CCDC33: variants seen among roughly 807,000 people sequenced by gnomAD.
CCDC33 encodes the protein coiled-coil domain containing 33.
In CCDC33, 94 loss-of-function variants were observed where a neutral mutation model predicts 91.9. The ratio of observed to expected loss-of-function variants is 1.02; its 90% confidence interval spans 0.87 to 1.21. The LOEUF (loss-of-function observed/expected upper bound fraction) is 1.21. Among genes scored for constraint, CCDC33 ranks in the 50% most tolerant of loss-of-function variants. The pLI, the probability that CCDC33 is intolerant of heterozygous loss-of-function variation, is 0.00. For synonymous variants in CCDC33, 396 were observed against 374.5 expected (o/e 1.06, Z -0.66); for missense variants, 940 against 935.5 (o/e 1.00, Z -0.06).
intron 1 of CCDC33, chr15:74,209,104 C>A: frequency 7.6e-7 from 1 of 1,311,640 alleles, no homozygotes; most frequent in Non-Finnish European, 9.7e-7. Context: ...AGACCTCCCG[C>A]CCTTGATTCC....
intron 10 of CCDC33, among the ~76,000 whole-genome samples, chr15:74,289,648 G>A (rs557422154): frequency 3.3e-5 from 5 of 152,324 alleles, no homozygotes; most frequent in East Asian, 1.9e-4. Flanking sequence ...CTGGGAGGTT[G>A]AGGCTGCAAT....
intron 11 of CCDC33, among the ~76,000 whole-genome samples, chr15:74,308,364 C>CACAT (rs1219524899): frequency 1.3e-5 from 2 of 151,660 alleles, no homozygotes; most frequent in Non-Finnish European, 2.9e-5. Context: ...GACAGACACA[C>CACAT]ACACACACAC....
intron 11 of CCDC33, among the ~76,000 whole-genome samples, chr15:74,313,415 C>CTTTTTTTTTT (rs35519774): frequency 1.5e-4 from 14 of 94,182 alleles, no homozygotes; most frequent in Admixed American, 2.6e-4. Context: ...TTCTTTCTTT[C>CTTTTTTTTTT]TTTTTTTTTT....
intron 11 of CCDC33, among the ~76,000 whole-genome samples, chr15:74,329,223 C>T (rs1404348474): frequency 6.6e-6 from 1 of 152,022 alleles, no homozygotes; most frequent in Non-Finnish European, 1.5e-5. Context: ...TTGGGGATTG[C>T]ACTGATCATT....
Position 74,331,281 on chromosome 15 carries a change from G to A in CCDC33, c.1756G>A (p.Gly586Arg). ...GCCCCCTCCTCTGAACAGGCAGCAG[G>A]GAAAGCCCTACACGGGTGGGTCCAC... ...SKPPPLNRQQGKPYTGFPMLS... is the reference protein window; with the variant it reads ...SKPPPLNRQQRKPYTGFPMLS... Residue 586 changes from glycine (G) to arginine (R), a missense_variant, in exon 15 of 19, where the codon GGA becomes AGA. Coordinates refer to ENST00000398814, the MANE Select transcript of CCDC33 (RefSeq NM_025055.5). 1 of 1,614,018 alleles carries A rather than the reference G, an allele frequency of 6.2e-7. No individual in the cohort carries two copies. Among genetic ancestry groups the A allele is most frequent in the South Asian group, 1.1e-5 (1 of 91,072 alleles).
At chr15:74,234,645 G>A (rs921962649), upstream of CCDC33, among the ~76,000 whole-genome samples, 1 of 152,190 alleles carries the variant, frequency 6.6e-6, no homozygotes, top group Non-Finnish European at 1.5e-5. Context: ...AGACGGCCTG[G>A]AACCAGTGCC....
intron 11 of CCDC33, chr15:74,300,739 G>C (rs376419508): frequency 5.2e-5 from 8 of 152,530 alleles, no homozygotes; most frequent in African/African-American, 1.9e-4. Flanking sequence ...GAGAAGAGGA[G>C]GTCTATGCCT....
chr15:74,236,645 C>T lies in CCDC33; in HGVS notation c.-75C>T. 9 of 1,446,106 alleles carry T rather than the reference C, an allele frequency of 6.2e-6. No individual in the cohort carries two copies. Among genetic ancestry groups the T allele is most frequent in the Non-Finnish European group, 7.7e-6 (8 of 1,032,758 alleles). The allele number at this position is 1,446,106 out of a possible 1,614,324, so 89.6% of individuals were successfully genotyped here. A position where few individuals can be genotyped will look rare whatever the true frequency, so the allele number is the denominator to read the frequency against. On this transcript the variant is annotated 5_prime_UTR_variant, in exon 1 of 19. Transcript: ENST00000398814. Reference sequence around the variant, plus strand: ...GCCAGCTGTCTGGGCAGGACTGATTCCTGATCACCCACTGATACCAAGTAC... The same window carrying T: ...GCCAGCTGTCTGGGCAGGACTGATTTCTGATCACCCACTGATACCAAGTAC...
intron 10 of CCDC33, among the ~76,000 whole-genome samples, chr15:74,286,437 T>A (rs2059476110): frequency 6.6e-6 from 1 of 151,968 alleles, no homozygotes; most frequent in African/African-American, 2.4e-5. Context: ...ATGAACTGGT[T>A]TCGAGATCCC....
chr15:74,215,325 A>T (rs796822016), upstream of CCDC33, among the ~76,000 whole-genome samples: 57 of 151,684 alleles, frequency 3.8e-4, no homozygotes, highest in African/African-American at 1.3e-3. Flanking sequence ...AGCACTGAGT[A>T]TTCAAATTCA....
intron 2 of CCDC33, among the ~76,000 whole-genome samples, chr15:74,211,134 C>G (rs1016933967): frequency 1.6e-5 from 2 of 127,434 alleles, no homozygotes; most frequent in Non-Finnish European, 3.3e-5. Context: ...GATTCCCCCC[C>G]ACCACTACGC....
At chr15:74,266,656 G>A in intron 3 of CCDC33, 22 bp from the exon 4 acceptor site, 12 of 1,531,182 alleles carry the variant, frequency 7.8e-6, no homozygotes, top group Non-Finnish European at 1.1e-5. Flanking sequence ...AATAAACCTG[G>A]GCTCATTTTT....
chr15:74,266,683 A>G lies in CCDC33; in HGVS notation c.325A>G (p.Ile109Val), dbSNP rs1344847580. Residue 109 changes from isoleucine (I) to valine (V), a missense_variant, in exon 4 of 19, where the codon ATC (isoleucine) becomes GTC (valine). By Grantham distance (29) the Ile-to-Val change is conservative. Transcript: ENST00000398814. ...CTCATTTTTTCTCTTTCCAGATGTG[A>G]TCCTCAAGGTGGTGGACAACAGAAA... ...QAEDAGQEDV[I>V]LKVVDNRKKQ... 3.7e-6 allele frequency: 6 copies of G among 1,612,692 alleles called. No homozygotes were observed. Among genetic ancestry groups the G allele is most frequent in the Non-Finnish European group, 5.1e-6 (6 of 1,178,702 alleles).
In CCDC33 at chr15:74,207,352, A is replaced by G. The variant is rs1300655077; in HGVS notation, n.90-2036A>G. 2.0e-5 allele frequency among the ~76,000 whole-genome samples: 3 copies of G among 152,266 alleles called. No homozygotes were observed. In the South Asian group the frequency reaches 6.2e-4, roughly 32 times the overall value. On this transcript the variant is annotated intron_variant and non_coding_transcript_variant, in intron 1 of 3. Coordinates refer to the CCDC33 transcript ENST00000558645. ...AACATTTCTGAGTTTCAGTAATGCC[A>G]TAAGAAGCCCTGCAACCTCAGTATT...
chr15:74,258,010 T>C (rs891966867), intron 2 of CCDC33, among the ~76,000 whole-genome samples: 3 of 152,190 alleles, frequency 2.0e-5, no homozygotes, highest in African/African-American at 7.2e-5. Context: ...AGAATTGCCC[T>C]ACCTTCTCAG....
upstream of CCDC33, among the ~76,000 whole-genome samples, chr15:74,231,660 G>A (rs796814462): frequency 1.2e-4 from 19 of 152,286 alleles, no homozygotes; most frequent in African/African-American, 3.8e-4. Context: ...CAGCTGTGCC[G>A]CCTCAAAGCC....
chr15:74,265,306 C>A (rs978946415), intron 3 of CCDC33, among the ~76,000 whole-genome samples: 5 of 152,302 alleles, frequency 3.3e-5, no homozygotes, highest in African/African-American at 1.2e-4. Context: ...CTCAGGCACA[C>A]CCCTCCGCCC....
upstream of CCDC33, among the ~76,000 whole-genome samples, chr15:74,214,925 A>G (rs1336136750): frequency 1.3e-5 from 2 of 152,230 alleles, no homozygotes; most frequent in African/African-American, 4.8e-5. Context: ...TTATTCATCC[A>G]TAATGCTTTA....
chr15:74,247,896 G>A (rs28696089), intron 2 of CCDC33, among the ~76,000 whole-genome samples: 3,029 of 152,234 alleles, frequency 0.02, 96 homozygotes, highest in African/African-American at 0.068. Flanking sequence ...GGCCAACATA[G>A]TGAAACCCCA....
Sources: gnomAD v4.1 joint callset for allele counts (sites outside exome capture counted in the v4.1 genomes callset) on GRCh38, gnomAD v4.1.1 for gene constraint, MANE v1.5 for transcripts, NCBI Gene and HGNC (gene_info 2026-07-23, HGNC 2026-07-21) for gene names.